Variants in ARID1B observed in about 807,000 individuals in gnomAD.
The protein encoded by ARID1B is AT-rich interactive domain-containing protein 1B.
ARID1B carries 30 observed loss-of-function variants against 212.3 expected under a neutral mutation model. The observed-to-expected ratio is 0.14, with a 90% CI of 0.11 to 0.19. The LOEUF (loss-of-function observed/expected upper bound fraction) is 0.19, where lower values mean the gene tolerates loss of function less well. Among genes scored for constraint, ARID1B ranks in the 10% least tolerant of loss-of-function variants. The pLI is 1.00. For missense variants in ARID1B, 2,891 were observed against 3,204.0 expected (o/e 0.90, Z 2.36); for synonymous variants, 1,402 against 1,301.7 (o/e 1.08, Z -1.66).
chr6:156,929,031 T>C (rs529105238), intron 3 of ARID1B, among the ~76,000 whole-genome samples: 2 of 152,334 alleles, frequency 1.3e-5, no homozygotes, highest in African/African-American at 2.4e-5. Context: ...TGAAGAGATA[T>C]CCATCACTTT....
intron 4 of ARID1B, among the ~76,000 whole-genome samples, chr6:156,966,381 C>CTTTCTTTTTTTTTTT (rs1794742120): frequency 1.1e-5 from 1 of 89,436 alleles, no homozygotes; most frequent in African/African-American, 3.8e-5. Context: ...CTTTTCTTTT[C>CTTTCTTTTTTTTTTT]TTTTCTTTTT....
At chr6:157,022,878 T>C (rs539396425) in intron 4 of ARID1B, 1 of 152,230 alleles carries the variant, frequency 6.6e-6, no homozygotes, top group African/African-American at 2.4e-5. Context: ...GGTGTTGATG[T>C]AGAGACAGAA....
chr6:157,199,005 A>G (rs1325215918), intron 17 of ARID1B, 98 bp downstream of exon 17: 9 of 1,001,418 alleles, frequency 9.0e-6, no homozygotes, highest in Non-Finnish European at 2.9e-6. Flanking sequence ...TCAGACATCT[A>G]ACAAAAATGA....
chr6:157,091,543 CAGTT>C (rs756374691), intron 5 of ARID1B, among the ~76,000 whole-genome samples: 1 of 152,164 alleles, frequency 6.6e-6, no homozygotes, highest in Non-Finnish European at 1.5e-5. Flanking sequence ...AGATGAATCT[CAGTT>C]AGGAGTTAGT....
rs1247212308 is a variant in ARID1B, at chr6:157,148,417, CTG to C, written c.2762-205_2762-204del. Among the ~76,000 whole-genome samples, 4 of 152,066 alleles carry C rather than the reference CTG, an allele frequency of 2.6e-5. No individual in the cohort carries two copies. The highest frequency in any genetic ancestry group is 5.9e-5 in the Non-Finnish European group (4 of 68,012). ...CAGTGCAGTGGTCCTCTGGGGCTGT[CTG>C]TATTTGAGTCACTCTCTGAGGGCCT... On this transcript the variant is annotated intron_variant, in intron 7 of 19. Coordinates refer to ENST00000636930, the MANE Select transcript of ARID1B (RefSeq NM_001374828.1). The surrounding 1 kb of genome is among the most constrained non-coding windows in gnomAD (Gnocchi z 5.6).
intron 4 of ARID1B, among the ~76,000 whole-genome samples, chr6:157,065,271 TAGTA>T (rs937995686): frequency 1.3e-5 from 2 of 152,222 alleles, no homozygotes; most frequent in African/African-American, 2.4e-5. Flanking sequence ...CTACTGAAGA[TAGTA>T]AGGTAAAATT....
At chr6:157,174,272 T>C in intron 10 of ARID1B, 155 bp downstream of exon 10, 1 of 622,876 alleles carries the variant, frequency 1.6e-6, no homozygotes, top group Non-Finnish European at 2.8e-6. Context: ...TTCTTTTCTT[T>C]CCCCAGCCCC....
intron 4 of ARID1B, among the ~76,000 whole-genome samples, chr6:157,049,078 G>A (rs1782420697): frequency 6.6e-6 from 1 of 151,418 alleles, no homozygotes; most frequent in South Asian, 2.1e-4. Context: ...GGAGGCTGAG[G>A]CACAAGAATC....
intron 1 of ARID1B, among the ~76,000 whole-genome samples, chr6:156,794,527 T>C (rs1185676533): frequency 1.3e-5 from 2 of 149,214 alleles, no homozygotes; most frequent in African/African-American, 2.5e-5. Flanking sequence ...GGCCTGGGAG[T>C]CTGGGCGTAG....
intron 4 of ARID1B, among the ~76,000 whole-genome samples, chr6:157,026,721 G>T (rs1012697160): frequency 1.3e-5 from 2 of 152,040 alleles, no homozygotes; most frequent in Non-Finnish European, 1.5e-5. Flanking sequence ...TCACTATTTT[G>T]CCCCAGTTGG....
intron 4 of ARID1B, among the ~76,000 whole-genome samples, chr6:157,075,716 G>A (rs1482417987): frequency 6.6e-6 from 1 of 152,212 alleles, no homozygotes; most frequent in African/African-American, 2.4e-5. Context: ...TCCCCGCTAT[G>A]GTACGATATG....
At chr6:156,999,869 A>T (rs1330676735) in intron 4 of ARID1B, among the ~76,000 whole-genome samples, 1 of 152,246 alleles carries the variant, frequency 6.6e-6, no homozygotes, top group Non-Finnish European at 1.5e-5. Context: ...CCCAGGTTAG[A>T]AATCACAGTT....
chr6:156,787,399 A>G (rs1444782826), intron 1 of ARID1B, among the ~76,000 whole-genome samples: 1 of 152,156 alleles, frequency 6.6e-6, no homozygotes, highest in Non-Finnish European at 1.5e-5. Context: ...AATTCTTAGT[A>G]TCTACTGTTT....
At chr6:156,978,614 T>C (rs186878224) in intron 4 of ARID1B, among the ~76,000 whole-genome samples, 49 of 152,322 alleles carry the variant, frequency 3.2e-4, no homozygotes, top group African/African-American at 1.1e-3. Flanking sequence ...TGATATAAAT[T>C]ATTAGAGACT....
rs1778841230 is a variant in ARID1B, at chr6:156,778,390, T to A, written c.710T>A (p.Met237Lys). 3.9e-6 allele frequency: 6 copies of A among 1,532,210 alleles called. 1 individual carries two copies. Among genetic ancestry groups the A allele is most frequent in the South Asian group, 2.4e-5 (2 of 83,686 alleles). The allele number at this position is 1,532,210 out of a possible 1,614,324, so 94.9% of individuals were successfully genotyped here. ...GGCGCGCCTCAGCCCGGCCCCGACA[T>A]GGAGCAGCCGCAACATGGAGGCGCC... ...GGGAPQPGPD[M>K]EQPQHGGAKD... is the part of the protein sequence containing the mutation. The change falls in exon 1 of 20, where the codon ATG (methionine) becomes AAG (lysine). Residue 237 changes from methionine to lysine, a missense_variant. Met to Lys is a moderately conservative substitution (Grantham distance 95). Around this residue, in one of 7 missense-constraint regions of ARID1B, gnomAD observed 1,643 missense variants for 1,544.0 expected, o/e 1.06. Coordinates refer to ENST00000636930, the MANE Select transcript of ARID1B (RefSeq NM_001374828.1).
chr6:156,939,023 C>A (rs1792470081), intron 4 of ARID1B: 1 of 152,204 alleles, frequency 6.6e-6, no homozygotes, highest in Non-Finnish European at 1.5e-5. Flanking sequence ...TGGACTCAGA[C>A]CTAAGCACTG....
chr6:157,115,132 T>C (rs180708725), intron 6 of ARID1B, among the ~76,000 whole-genome samples: 252 of 152,288 alleles, frequency 1.7e-3, no homozygotes, highest in South Asian at 6.2e-3. Flanking sequence ...TCGGTGCCCA[T>C]TTTATCTGGT....
At chr6:157,039,978 T>C (rs1033791108) in intron 4 of ARID1B, among the ~76,000 whole-genome samples, 6 of 150,766 alleles carry the variant, frequency 4.0e-5, no homozygotes, top group African/African-American at 1.5e-4. Flanking sequence ...CAAGACGGAG[T>C]CTCGCTTTGT....
At position 157,028,255 on chromosome 6, in the gene ARID1B, C is replaced by G. The variant is rs373065946; in HGVS notation, c.2248-56407C>G. Among the ~76,000 whole-genome samples the G allele has an allele frequency of 5.3e-5, 8 of 152,196 alleles. No homozygotes were observed. In the East Asian group the frequency reaches 5.8e-4, roughly 11 times the overall value. On this transcript the variant is annotated intron_variant, in intron 4 of 19. Transcript: ENST00000636930. ...TCATATGTTTTTTAACAGTCCCTCA[C>G]TGCCTGGACACCCATCATTTTTATT... is the stretch of plus-strand genomic sequence containing the variant.
Sources: allele counts gnomAD v4.1 joint callset (sites outside exome capture counted in the v4.1 genomes callset), GRCh38; gene constraint gnomAD v4.1.1; regional missense constraint gnomAD v4.1.1; non-coding constraint Gnocchi (gnomAD v3.1); transcripts MANE v1.5; gene names NCBI Gene and HGNC (gene_info 2026-07-23, HGNC 2026-07-21).